LCOR: variants seen among roughly 807,000 people sequenced by gnomAD.
LCOR encodes ligand dependent nuclear receptor corepressor.
LCOR carries 14 observed loss-of-function variants against 64.4 expected under a neutral mutation model. The observed-to-expected ratio is 0.22, with a 90% confidence interval of 0.14 to 0.34. The LOEUF (loss-of-function observed/expected upper bound fraction) is 0.34. Ranked by LOEUF, LCOR falls within the 10% of genes least tolerant of loss-of-function variation. The pLI is 1.00. For synonymous variants in LCOR, 643 were observed against 642.5 expected (o/e 1.00, Z -0.01); for missense variants, 1,686 against 1,765.3 (o/e 0.96, Z 0.80).
rs2134564059 is a variant in LCOR at position 96,982,347 on chromosome 10, G to T, written c.1887G>T (p.Leu629=). The T allele has an allele frequency of 1.2e-6, 2 of 1,614,218 alleles. No individual in the cohort carries two copies. Among genetic ancestry groups the T allele is most frequent in the East Asian group, 2.2e-5 (1 of 44,884 alleles). Reference sequence around the variant, plus strand: ...CTGCTCACCTTCCTGAAGAGGACCTGCCAGAAGGTGGCTCCACAGTCTCAG... The same window carrying T: ...CTGCTCACCTTCCTGAAGAGGACCTTCCAGAAGGTGGCTCCACAGTCTCAG... The part of the protein sequence containing the change: ...PLPAHLPEED[L]PEGGSTVSAP... Residue 629 remains leucine (L), a synonymous_variant, in exon 8 of 8, where the codon CTG becomes CTT. Transcript: ENST00000421806.
chr10:96,867,926 TC>T (rs1846001665), intron 2 of LCOR, among the ~76,000 whole-genome samples: 1 of 152,098 alleles, frequency 6.6e-6, no homozygotes, highest in African/African-American at 2.4e-5. Flanking sequence ...CTCTTGTTGC[TC>T]AGGCTAGAGT....
In LCOR at chr10:96,882,741, T is replaced by C. The variant is rs1019365797; in HGVS notation, c.-329-24524T>C. The stretch of plus-strand genomic sequence containing the variant: ...CTGTGCTCTGCCTGTTTATCCCTCC[T>C]CTTGCCTAACTCTGGCAACCACTGG... On this transcript the variant is annotated intron_variant, in intron 2 of 7. Coordinates refer to ENST00000421806, the MANE Select transcript of LCOR (RefSeq NM_001346516.2). Among the ~76,000 whole-genome samples the C allele has an allele frequency of 2.6e-5, 4 of 152,198 alleles. No homozygotes were observed. The East Asian group carries it at 7.7e-4, about 29-fold the overall frequency.
intron 4 of LCOR, chr10:96,915,555 A>G: frequency 3.1e-6 from 2 of 643,522 alleles, no homozygotes; most frequent in South Asian, 1.6e-5. Context: ...CTGCATTTTT[A>G]TGAAACTTGG....
At chr10:96,917,552 G>A (rs945526377) in intron 4 of LCOR, among the ~76,000 whole-genome samples, 1 of 152,210 alleles carries the variant, frequency 6.6e-6, no homozygotes, top group Non-Finnish European at 1.5e-5. Flanking sequence ...TGACACTGGA[G>A]TTGCTTAATC....
chr10:96,959,044 A>G (rs1847839611), intron 7 of LCOR: 1 of 151,798 alleles, frequency 6.6e-6, no homozygotes, highest in Non-Finnish European at 1.5e-5. Context: ...TCAGAGTTCC[A>G]TTATACCATG....
chr10:96,992,354 A>G lies in LCOR; in HGVS notation c.*7220A>G, dbSNP rs1244536294. 2 of 152,256 alleles carry G rather than the reference A, an allele frequency of 1.3e-5. No individual in the cohort carries two copies. Among genetic ancestry groups the G allele is most frequent in the Non-Finnish European group, 2.9e-5 (2 of 68,044 alleles). The allele number at this position is 152,256 out of a possible 1,614,324, so 9.4% of individuals were successfully genotyped here. ...TTTTAACAAGAAAATTAACTGTCAA[A>G]AGGGCTTTCCAAAAAGTGTTCTTTC... On this transcript the variant is annotated 3_prime_UTR_variant, in exon 8 of 8. Coordinates refer to ENST00000421806, the MANE Select transcript of LCOR (RefSeq NM_001346516.2).
At chr10:96,849,031 A>G (rs1375847654) in intron 2 of LCOR, among the ~76,000 whole-genome samples, 1 of 120,108 alleles carries the variant, frequency 8.3e-6, no homozygotes, top group East Asian at 2.5e-4. Flanking sequence ...TTTTTTTGAG[A>G]CAGATCCTCT....
intron 2 of LCOR, among the ~76,000 whole-genome samples, chr10:96,866,976 T>G (rs1474011465): frequency 2.0e-5 from 3 of 152,118 alleles, no homozygotes; most frequent in Non-Finnish European, 4.4e-5. Flanking sequence ...TTCGTATTTG[T>G]CAGTCTTTTC....
chr10:96,894,927 G>C (rs562052927), intron 2 of LCOR, among the ~76,000 whole-genome samples: 1 of 152,086 alleles, frequency 6.6e-6, no homozygotes, highest in African/African-American at 2.4e-5. Flanking sequence ...CAAGTTGTTT[G>C]CTAGATGGTA....
chr10:96,934,751 G>A lies in LCOR; in HGVS notation c.-183-9362G>A, dbSNP rs1335891394. On this transcript the variant is annotated intron_variant, in intron 4 of 7. Transcript: ENST00000421806. ...TGAGTAGCTGGGATTACAGGCATGCGCCACCATACCTGGATAATTTTTGTA... is the reference window on the plus strand; with the variant it reads ...TGAGTAGCTGGGATTACAGGCATGCACCACCATACCTGGATAATTTTTGTA... Among the ~76,000 whole-genome samples, 4 of 152,084 alleles carry A rather than the reference G, an allele frequency of 2.6e-5. No individual in the cohort carries two copies. In the East Asian group the frequency reaches 5.8e-4, roughly 22 times the overall value.
chr10:96,845,929 G>A (rs894084230), intron 2 of LCOR, among the ~76,000 whole-genome samples: 5 of 152,016 alleles, frequency 3.3e-5, no homozygotes, highest in Non-Finnish European at 7.4e-5. Flanking sequence ...TTGATTGGCC[G>A]GGGATTGTGG....
At chr10:96,957,245 C>G in intron 7 of LCOR, 1 of 984,886 alleles carries the variant, frequency 1.0e-6, no homozygotes, top group African/African-American at 1.7e-5. Flanking sequence ...TACCCCCCTT[C>G]TTGACTTTTT....
intron 4 of LCOR, among the ~76,000 whole-genome samples, chr10:96,919,023 A>G (rs537001423): frequency 6.6e-6 from 1 of 152,334 alleles, no homozygotes; most frequent in East Asian, 1.9e-4. Flanking sequence ...TGAAGTCTAG[A>G]TATTAAACAA....
chr10:96,890,548 T>C (rs1846422544), intron 2 of LCOR, among the ~76,000 whole-genome samples: 1 of 152,230 alleles, frequency 6.6e-6, no homozygotes, highest in African/African-American at 2.4e-5. Flanking sequence ...GGATGCCTTT[T>C]ATTTCTTTTT....
chr10:96,860,512 C>T (rs1845871046), intron 2 of LCOR, among the ~76,000 whole-genome samples: 1 of 152,172 alleles, frequency 6.6e-6, no homozygotes, highest in Admixed American at 6.5e-5. Flanking sequence ...ATGGCCATGC[C>T]AATACCTTGG....
chr10:96,963,750 G>A (rs952067948), intron 7 of LCOR: 3 of 152,184 alleles, frequency 2.0e-5, no homozygotes, highest in African/African-American at 4.8e-5. Context: ...CTTTAAAATT[G>A]CTTTTGTTTT....
Position 96,949,185 on chromosome 10 carries a change from C to T in LCOR, c.128C>T (p.Pro43Leu). 6.2e-7 allele frequency: 1 copy of T among 1,614,136 alleles called. No individual in the cohort carries two copies. Among genetic ancestry groups the T allele is most frequent in the Non-Finnish European group, 8.5e-7 (1 of 1,180,012 alleles). Residue 43 changes from proline to leucine, a missense_variant, in exon 6 of 8, where the codon CCC (proline) becomes CTC (leucine). Coordinates refer to ENST00000421806, the MANE Select transcript of LCOR (RefSeq NM_001346516.2). The part of the protein sequence containing the change: ...LPKASPVTTS[P>L]TAATTQNPVL... ...AAAGCATCTCCAGTCACCACCTCTC[C>T]CACGGCTGCAACTACTCAGAACCCT...
chr10:96,947,374 A>G (rs1564634665), intron 5 of LCOR, among the ~76,000 whole-genome samples: 1 of 152,102 alleles, frequency 6.6e-6, no homozygotes, highest in Non-Finnish European at 1.5e-5. Context: ...TTCGGGGGAA[A>G]AAATTGCCTG....
chr10:96,949,579 A>G (rs1365766016), intron 6 of LCOR, among the ~76,000 whole-genome samples: 1 of 152,172 alleles, frequency 6.6e-6, no homozygotes, highest in African/African-American at 2.4e-5. Flanking sequence ...TAAGCATTTT[A>G]TATTTTCCAT....
Sources: allele counts gnomAD v4.1 joint callset (sites outside exome capture counted in the v4.1 genomes callset), GRCh38; gene constraint gnomAD v4.1.1; transcripts MANE v1.5; gene names NCBI Gene and HGNC (gene_info 2026-07-23, HGNC 2026-07-21).